Variants in ACTL8 observed in about 807,000 individuals in gnomAD.
The protein encoded by ACTL8 is actin-like protein 8.
Under a neutral mutation model 9.3 loss-of-function variants are expected in ACTL8, and 3 were observed. That is an observed-to-expected ratio of 0.32 (90% CI 0.15 to 0.83). The LOEUF is 0.83. ACTL8 is among the 40% of genes least tolerant of loss of function. The pLI is 0.57. For missense variants in ACTL8, 381 were observed against 492.2 expected (o/e 0.77, Z 2.14); for synonymous variants, 224 against 205.9 (o/e 1.09, Z -0.75).
chr1:17,826,222 G>C lies in ACTL8; in HGVS notation c.804G>C (p.Pro268=), dbSNP rs754579549. ...TTAGCCCGCAGGTGTTCGAGCAGCCGGGGCCCAGCATCCCACGGGCCATTG... is the reference window on the plus strand; with the variant it reads ...TTAGCCCGCAGGTGTTCGAGCAGCCCGGGCCCAGCATCCCACGGGCCATTG... ...MFFSPQVFEQ[P]GPSIPRAIVE... is the part of the protein sequence containing the mutation. The change falls in exon 3 of 3, where the codon CCG becomes CCC. Residue 268 remains proline (P), a synonymous_variant. Coordinates refer to ENST00000375406, the MANE Select transcript of ACTL8 (RefSeq NM_030812.3). This position sits in a 1 kb window ranked among gnomAD's most constrained non-coding sequence, Gnocchi z 4.5. The C allele has an allele frequency of 1.2e-6, 2 of 1,613,356 alleles. No homozygotes were observed. The highest frequency in any genetic ancestry group is 1.7e-6 in the Non-Finnish European group (2 of 1,179,914).
intron 1 of ACTL8, among the ~76,000 whole-genome samples, chr1:17,808,049 G>T (rs1037325498): frequency 1.3e-5 from 2 of 152,164 alleles, no homozygotes; most frequent in South Asian, 2.1e-4. Context: ...AAAATGAGAT[G>T]GAAACTGGAA....
intron 1 of ACTL8, among the ~76,000 whole-genome samples, chr1:17,819,387 A>G (rs1482290875): frequency 6.6e-6 from 1 of 152,154 alleles, no homozygotes; most frequent in African/African-American, 2.4e-5. Context: ...GGCTCTCCCC[A>G]GGTCTATGTC....
chr1:17,814,235 G>A (rs1236711321), intron 1 of ACTL8, among the ~76,000 whole-genome samples: 2 of 152,194 alleles, frequency 1.3e-5, no homozygotes, highest in African/African-American at 4.8e-5. Flanking sequence ...GGTGGCTCAT[G>A]CCTGTATTCC....
At chr1:17,803,794 G>A (rs1330566415) in intron 1 of ACTL8, among the ~76,000 whole-genome samples, 1 of 152,216 alleles carries the variant, frequency 6.6e-6, no homozygotes, top group Non-Finnish European at 1.5e-5. Flanking sequence ...GAGCGAGGGA[G>A]AGTGATAGGG....
intron 1 of ACTL8, among the ~76,000 whole-genome samples, chr1:17,765,672 G>T (rs141973457): frequency 2.6e-5 from 4 of 152,232 alleles, no homozygotes; most frequent in African/African-American, 4.8e-5. Context: ...CACGTCACCC[G>T]GCTCTCTATA....
At chr1:17,784,621 T>A (rs2066182779) in intron 1 of ACTL8, among the ~76,000 whole-genome samples, 1 of 152,222 alleles carries the variant, frequency 6.6e-6, no homozygotes, top group Admixed American at 6.5e-5. Flanking sequence ...AGGAAAGAGA[T>A]TCAGCATCTT....
chr1:17,789,728 C>T (rs781401603), intron 1 of ACTL8, among the ~76,000 whole-genome samples: 4 of 152,202 alleles, frequency 2.6e-5, no homozygotes, highest in Non-Finnish European at 5.9e-5. Flanking sequence ...GTAATTTACT[C>T]TAGGTCACAC....
At chr1:17,804,551 C>G (rs1323299514) in intron 1 of ACTL8, among the ~76,000 whole-genome samples, 1 of 152,032 alleles carries the variant, frequency 6.6e-6, no homozygotes, top group African/African-American at 2.4e-5. Context: ...ATGGCTGCCC[C>G]TGACCATTGC....
chr1:17,803,549 T>C (rs2066338491), intron 1 of ACTL8, among the ~76,000 whole-genome samples: 1 of 152,224 alleles, frequency 6.6e-6, no homozygotes, highest in African/African-American at 2.4e-5. Flanking sequence ...CAGGCCTGTC[T>C]CAAACTCCTG....
chr1:17,797,725 G>C (rs896184992), intron 1 of ACTL8, among the ~76,000 whole-genome samples: 9 of 152,164 alleles, frequency 5.9e-5, no homozygotes, highest in African/African-American at 2.2e-4. Context: ...TTTCCTCTCT[G>C]AACCCTGAAT....
At chr1:17,774,327 G>A (rs77537475) in intron 1 of ACTL8, among the ~76,000 whole-genome samples, 1,624 of 152,238 alleles carry the variant, frequency 0.011, 19 homozygotes, top group African/African-American at 0.037. Context: ...GGGTGGGGGC[G>A]GGGTGTAGGC....
intron 1 of ACTL8, among the ~76,000 whole-genome samples, chr1:17,807,812 GGGA>G (rs2066368916): frequency 6.6e-6 from 1 of 151,956 alleles, no homozygotes; most frequent in Non-Finnish European, 1.5e-5. Context: ...CATGGACACA[GGGA>G]GGAGAACATC....
chr1:17,779,717 G>C (rs2066141331), intron 1 of ACTL8, among the ~76,000 whole-genome samples: 1 of 152,158 alleles, frequency 6.6e-6, no homozygotes, highest in South Asian at 2.1e-4. Flanking sequence ...CGCTAAAGGG[G>C]ACAGACCACA....
chr1:17,769,937 A>AG, intron 1 of ACTL8, among the ~76,000 whole-genome samples: 1 of 152,364 alleles, frequency 6.6e-6, no homozygotes, highest in African/African-American at 2.4e-5. Context: ...TGGCCTGTGG[A>AG]GTCACCAGCT....
intron 1 of ACTL8, among the ~76,000 whole-genome samples, chr1:17,811,348 T>C (rs1274774915): frequency 1.3e-5 from 2 of 152,222 alleles, no homozygotes; most frequent in Non-Finnish European, 2.9e-5. Context: ...ACAAGTCCTT[T>C]AGCAGATGTG....
chr1:17,785,040 A>G (rs2066185764), intron 1 of ACTL8, among the ~76,000 whole-genome samples: 2 of 152,140 alleles, frequency 1.3e-5, no homozygotes, highest in African/African-American at 4.8e-5. Flanking sequence ...AGATCTCATG[A>G]GAATTATTCA....
chr1:17,759,745 TGTC>T (rs2065989371), intron 1 of ACTL8, among the ~76,000 whole-genome samples: 1 of 152,170 alleles, frequency 6.6e-6, no homozygotes, highest in Admixed American at 6.5e-5. Context: ...GAGGGCTGGA[TGTC>T]AGCCCTAGAG....
intron 1 of ACTL8, among the ~76,000 whole-genome samples, chr1:17,784,783 A>G (rs1370137904): frequency 6.6e-6 from 1 of 152,230 alleles, no homozygotes; most frequent in Non-Finnish European, 1.5e-5. Flanking sequence ...TAGGTTGTGG[A>G]GTCAGATGAG....
At position 17,773,742 on chromosome 1, in the gene ACTL8, C is replaced by G. The variant is rs149601559; in HGVS notation, c.-25+18238C>G. Among the ~76,000 whole-genome samples, 36 of 152,330 alleles carry G rather than the reference C, an allele frequency of 2.4e-4. 2 individuals are homozygous for G. The East Asian group carries it at 6.8e-3, about 29-fold the overall frequency. On this transcript the variant is annotated intron_variant, in intron 1 of 2. Transcript: ENST00000375406. ...GCCCAAGCAAGGATAATCAAAGGGT[C>G]TCTCTCACAGGCCTAATGAGAGGAT...
Sources: allele counts gnomAD v4.1 joint callset (sites outside exome capture counted in the v4.1 genomes callset), GRCh38; gene constraint gnomAD v4.1.1; non-coding constraint Gnocchi (gnomAD v3.1); transcripts MANE v1.5; gene names NCBI Gene and HGNC (gene_info 2026-07-23, HGNC 2026-07-21).